The following EPHA1 variants were observed in gnomAD, a reference collection of about 807,000 sequenced individuals.
EPHA1 encodes EPH receptor A1.
A neutral mutation model predicts 110.1 loss-of-function variants in EPHA1; 92 were observed. That is an observed-to-expected ratio of 0.84 (90% CI 0.71 to 0.99). The LOEUF is 0.99. EPHA1 is among the 50% of genes least tolerant of loss of function. The probability of loss-of-function intolerance (pLI) is 0.00; values close to 1 mark genes in which losing one functional copy is unlikely to be tolerated. For synonymous variants in EPHA1, 500 were observed against 516.1 expected (o/e 0.97, Z 0.42); for missense variants, 1,204 against 1,285.4 (o/e 0.94, Z 0.97).
At position 143,399,307 on chromosome 7, in the gene EPHA1, C is replaced by T. The variant is rs55874355; in HGVS notation, c.942G>A (p.Glu314=). ...ESEGATICTC[E]SGHYRAPGEG... ...CCCCGGGAGCTCTGTAATGGCCGCT[C>T]TCACAGGTACAGATGGTGGCCCCCT... The change falls in exon 5 of 18, where the codon GAG becomes GAA. Residue 314 remains glutamate, a synonymous_variant. Coordinates refer to ENST00000275815, the MANE Select transcript of EPHA1 (RefSeq NM_005232.5). 702 of 1,612,378 alleles carry T rather than the reference C, an allele frequency of 4.4e-4. 2 individuals carry two copies. In the East Asian group the frequency reaches 0.014, roughly 32 times the overall value.
chr7:143,394,051 A>G, intron 15 of EPHA1, 143 bp downstream of exon 15: 2 of 1,286,672 alleles, frequency 1.6e-6, no homozygotes, highest in Non-Finnish European at 2.1e-6. Flanking sequence ...CATGAGGTGA[A>G]GAACCAGAGG....
intron 5 of EPHA1, 84 bp from the exon 6 acceptor site, chr7:143,399,029 T>G (rs1748957924): frequency 1.1e-5 from 15 of 1,340,700 alleles, no homozygotes; most frequent in Non-Finnish European, 1.3e-5. Flanking sequence ...ACCACCCAAT[T>G]CTCGATGTCC....
intron 2 of EPHA1, among the ~76,000 whole-genome samples, chr7:143,404,897 C>G (rs748571319): frequency 6.6e-5 from 10 of 151,958 alleles, no homozygotes; most frequent in Non-Finnish European, 1.3e-4. Context: ...TAGACTGAGG[C>G]CCTTAGAAAG....
chr7:143,408,826 G>C lies in EPHA1; in HGVS notation c.-21C>G. 8.3e-7 allele frequency: 1 copy of C among 1,198,180 alleles called. No individual in the cohort carries two copies. 74.2% of individuals were successfully genotyped at this position (1,198,180 alleles called of 1,614,324 possible). On this transcript the variant is annotated 5_prime_UTR_variant, in exon 1 of 18. Transcript: ENST00000275815. Reference sequence around the variant, plus strand: ...TCCATAGCTCCGGGCCGGGACCTGGGACAGTGGCCCGGATGGCAGCGCCAG... The same window carrying C: ...TCCATAGCTCCGGGCCGGGACCTGGCACAGTGGCCCGGATGGCAGCGCCAG...
Position 143,391,644 on chromosome 7 carries a change from TC to T in EPHA1, c.2827del (p.Glu943SerfsTer6). On this transcript the variant is annotated frameshift_variant, in exon 17 of 18. Transcript: ENST00000275815. LOFTEE classifies it high-confidence loss of function. ...CTCAGCGGTCAGCTCCAGCACACAC[TC>T]CATGGTGTCCAGCCCAGCCGAGTGG... ...HFHSAGLDTM[E>X]CVLELTAEDL... The T allele has an allele frequency of 6.2e-7, 1 of 1,614,012 alleles. No individual in the cohort carries two copies. Among genetic ancestry groups the T allele is most frequent in the Middle Eastern group, 1.6e-4 (1 of 6,062 alleles).
intron 2 of EPHA1, among the ~76,000 whole-genome samples, chr7:143,403,176 G>C (rs1805465778): frequency 1.3e-5 from 2 of 152,192 alleles, no homozygotes; most frequent in Admixed American, 1.3e-4. Flanking sequence ...AGACCAGCTT[G>C]GCCAACAAGG....
chr7:143,395,395 G>A lies in EPHA1; in HGVS notation c.2007C>T (p.Asn669=). 3.1e-6 allele frequency: 5 copies of A among 1,614,222 alleles called. No homozygotes were observed. The highest frequency in any genetic ancestry group is 4.2e-6 in the Non-Finnish European group (5 of 1,180,046). ...KDTSPGGQWW[N]FLREATIMGQ... is the part of the protein sequence containing the mutation. Reference sequence around the variant, plus strand: ...CCATGATAGTTGCCTCTCGAAGGAAGTTCCACCACTGGCCACCTGGGGATG... The same window carrying A: ...CCATGATAGTTGCCTCTCGAAGGAAATTCCACCACTGGCCACCTGGGGATG... Residue 669 remains asparagine, a synonymous_variant, in exon 12 of 18, where the codon AAC becomes AAT. Transcript: ENST00000275815. This position sits in a 1 kb window ranked among gnomAD's most constrained non-coding sequence, Gnocchi z 4.7.
At chr7:143,396,225 AAG>A (rs1184394239) in intron 11 of EPHA1, among the ~76,000 whole-genome samples, 158 bp downstream of exon 11, 1 of 152,248 alleles carries the variant, frequency 6.6e-6, no homozygotes, top group African/African-American at 2.4e-5. Flanking sequence ...CAATGGTTCA[AAG>A]AGGATACAGA....
chr7:143,397,234 A>AACAC (rs146724598), intron 10 of EPHA1, 70 bp downstream of exon 10: 6 of 1,456,890 alleles, frequency 4.1e-6, no homozygotes, highest in Non-Finnish European at 5.5e-6. Context: ...GGCATCTCCC[A>AACAC]ACACACACAC....
At position 143,408,719 on chromosome 7, in the gene EPHA1, G is replaced by C. The variant is rs1218719161; in HGVS notation, c.82+5C>G. Reference sequence around the variant, plus strand: ...GGTTGGGGGCGCGGGGGCGGGGGTCGGTACCTTCCTTGGCGCGCGCCCCCG... The same window carrying C: ...GGTTGGGGGCGCGGGGGCGGGGGTCCGTACCTTCCTTGGCGCGCGCCCCCG... On this transcript the variant is annotated splice_donor_5th_base_variant and intron_variant, in intron 1 of 17. Transcript: ENST00000275815. The C allele has an allele frequency of 1.3e-6, 1 of 764,606 alleles. No homozygotes were observed. The highest frequency in any genetic ancestry group is 3.5e-5 in the East Asian group (1 of 28,858). 47.4% of individuals were successfully genotyped at this position (764,606 alleles called of 1,614,324 possible).
At chr7:143,399,576 G>A in intron 4 of EPHA1, 75 bp downstream of exon 4, 1 of 1,590,562 alleles carries the variant, frequency 6.3e-7, no homozygotes, top group Non-Finnish European at 8.6e-7. Context: ...GCGGAGCACT[G>A]GCCTCCTTCT....
In EPHA1 at chr7:143,391,309, A is replaced by G; in HGVS notation, c.*148T>C. 1 of 901,474 alleles carries G rather than the reference A, an allele frequency of 1.1e-6. No individual in the cohort carries two copies. The highest frequency in any genetic ancestry group is 1.7e-6 in the Non-Finnish European group (1 of 591,324). The allele number at this position is 901,474 out of a possible 1,614,324, so 55.8% of individuals were successfully genotyped here. A position where few individuals can be genotyped will look rare whatever the true frequency, so the allele number is the denominator to read the frequency against. The stretch of plus-strand genomic sequence containing the variant: ...AAAACAAAGAGGTTTTCTGGGGTGC[A>G]GAGCAGGGTTCTCCTGAAAGTGGGC... On this transcript the variant is annotated 3_prime_UTR_variant, in exon 18 of 18. Transcript: ENST00000275815.
At position 143,393,431 on chromosome 7, in the gene EPHA1, C is replaced by A. The variant is rs1349907681; in HGVS notation, c.2696+240G>T. On this transcript the variant is annotated intron_variant, in intron 16 of 17. Transcript: ENST00000275815. The surrounding 1 kb of genome is among the most constrained non-coding windows in gnomAD (Gnocchi z 5.6). ...CTGCCTGAGAAGAGAAAAGATGGGCCCCCCACCCCCAAGCCCAGGTGAAGT... is the reference window on the plus strand; with the variant it reads ...CTGCCTGAGAAGAGAAAAGATGGGCACCCCACCCCCAAGCCCAGGTGAAGT... 1.3e-5 allele frequency among the ~76,000 whole-genome samples: 2 copies of A among 152,074 alleles called. No individual in the cohort carries two copies. The highest frequency in any genetic ancestry group is 4.8e-5 in the African/African-American group (2 of 41,406).
Position 143,394,887 on chromosome 7 carries a change from T to G in EPHA1, c.2273A>C (p.Asn758Thr), listed in dbSNP as rs2116615370. 6.2e-7 allele frequency: 1 copy of G among 1,614,070 alleles called. No homozygotes were observed. Among genetic ancestry groups the G allele is most frequent in the Non-Finnish European group, 8.5e-7 (1 of 1,180,014 alleles). The change falls in exon 14 of 18, where the codon AAT (asparagine) becomes ACT (threonine). Residue 758 changes from asparagine (N) to threonine (T), a missense_variant. Physicochemically the swap from Asn to Thr is moderately conservative, Grantham distance 65. Transcript: ENST00000275815. ...AGACACCTTGCAGCACAGGTTTTGA[T>G]TCACCAAGATGTTTCTGGCAGCCAG... ...RDLAARNILV[N>T]QNLCCKVSDF...
At position 143,397,351 on chromosome 7, in the gene EPHA1, C is replaced by T. The variant is rs35719334; in HGVS notation, c.1724G>A (p.Arg575Gln). The T allele has an allele frequency of 1.5e-5, 24 of 1,549,902 alleles. No individual in the cohort carries two copies. The highest frequency in any genetic ancestry group is 7.3e-5 in the East Asian group (3 of 40,918). The change falls in exon 10 of 18, where the codon CGG becomes CAG. Residue 575 changes from arginine (R) to glutamine (Q), a missense_variant. Physicochemically the swap from Arg to Gln is conservative, Grantham distance 43. Transcript: ENST00000275815. ...ILVFRSRRAQ[R>Q]QRQQRQRDRA... is the part of the protein sequence containing the mutation. Reference sequence around the variant, plus strand: ...GTCACGCTGCCTCTGCTGCCTCTGCCGCTGGGCTCTCCTGTGGGGGTTGGG... The same window carrying T: ...GTCACGCTGCCTCTGCTGCCTCTGCTGCTGGGCTCTCCTGTGGGGGTTGGG...
In EPHA1 at chr7:143,393,328, G is replaced by C. The variant is rs565341016; in HGVS notation, c.2696+343C>G. On this transcript the variant is annotated intron_variant, in intron 16 of 17. Coordinates refer to ENST00000275815, the MANE Select transcript of EPHA1 (RefSeq NM_005232.5). This position sits in a 1 kb window ranked among gnomAD's most constrained non-coding sequence, Gnocchi z 5.6. ...ATGCAGAAATATTTCTATGGGGAAG[G>C]GGATGCATCCCAAGAATGGGCCACA... Among the ~76,000 whole-genome samples the C allele has an allele frequency of 3.3e-5, 5 of 152,212 alleles. No homozygotes were observed. The highest frequency in any genetic ancestry group is 1.2e-4 in the African/African-American group (5 of 41,550).
rs1449210873 is a variant in EPHA1, at chr7:143,401,201, C to A, written c.432+123G>T. 1 of 1,343,410 alleles carries A rather than the reference C, an allele frequency of 7.4e-7. No homozygotes were observed. Among genetic ancestry groups the A allele is most frequent in the Non-Finnish European group, 1.0e-6 (1 of 990,380 alleles). The allele number at this position is 1,343,410 out of a possible 1,614,324, so 83.2% of individuals were successfully genotyped here. A position where few individuals can be genotyped will look rare whatever the true frequency, so the allele number is the denominator to read the frequency against. ...AGCCACCATGCCCAGCCTTCAAGCG[C>A]CAAATTCTTTTCAAGATTCTACCTC... On this transcript the variant is annotated intron_variant, in intron 3 of 17. Coordinates refer to ENST00000275815, the MANE Select transcript of EPHA1 (RefSeq NM_005232.5). The surrounding 1 kb of genome is among the most constrained non-coding windows in gnomAD (Gnocchi z 4.1).
chr7:143,399,832 C>T lies in EPHA1; in HGVS notation c.654G>A (p.Leu218=). 1 of 1,608,694 alleles carries T rather than the reference C, an allele frequency of 6.2e-7. No homozygotes were observed. The highest frequency in any genetic ancestry group is 8.5e-7 in the Non-Finnish European group (1 of 1,177,428). Residue 218 remains leucine, a synonymous_variant, in exon 4 of 18, where the codon CTG becomes CTA. Coordinates refer to ENST00000275815, the MANE Select transcript of EPHA1 (RefSeq NM_005232.5). ...LNGLAQFPDT[L]PGPAGLVEVA... ...CTTCCACCAACCCAGCGGGGCCAGG[C>T]AGAGTGTCTGGGAATTGGGCCAAGC...
At chr7:143,402,093 TC>T in intron 2 of EPHA1, among the ~76,000 whole-genome samples, 1 of 118,476 alleles carries the variant, frequency 8.4e-6, no homozygotes, top group Non-Finnish European at 2.0e-5. Context: ...ATTTTTTCTT[TC>T]TTTTTTTTTT....
Sources: gnomAD v4.1 joint callset for allele counts (sites outside exome capture counted in the v4.1 genomes callset) on GRCh38, gnomAD v4.1.1 for gene constraint, Gnocchi (gnomAD v3.1) non-coding constraint, MANE v1.5 for transcripts, NCBI Gene and HGNC (gene_info 2026-07-23, HGNC 2026-07-21) for gene names.